The following KCNG4 variants were observed in gnomAD, a reference collection of about 807,000 sequenced individuals.
The protein encoded by KCNG4 is potassium voltage-gated channel modifier subfamily G member 4.
KCNG4 carries 30 observed loss-of-function variants against 28.2 expected under a neutral mutation model. The observed-to-expected ratio is 1.06, with a 90% CI of 0.80 to 1.44. The LOEUF (loss-of-function observed/expected upper bound fraction) is 1.44, where lower values mean the gene tolerates loss of function less well. Ranked by LOEUF, KCNG4 falls within the 40% of genes most tolerant of loss-of-function variation. The probability of loss-of-function intolerance (pLI) is 0.00; values close to 1 mark genes in which losing one functional copy is unlikely to be tolerated. For synonymous variants in KCNG4, 375 were observed against 315.5 expected (o/e 1.19, Z -2.00); for missense variants, 879 against 712.3 (o/e 1.23, Z -2.66).
chr16:84,232,754 C>T (rs1904855924), intron 2 of KCNG4, among the ~76,000 whole-genome samples: 1 of 151,938 alleles, frequency 6.6e-6, no homozygotes, highest in Admixed American at 6.6e-5. Flanking sequence ...CAAAAATTAG[C>T]CAGGCGTGAT....
chr16:84,237,077 C>T lies in KCNG4; in HGVS notation c.409G>A (p.Glu137Lys). 6.2e-7 allele frequency: 1 copy of T among 1,614,114 alleles called. No homozygotes were observed. The highest frequency in any genetic ancestry group is 8.5e-7 in the Non-Finnish European group (1 of 1,180,016). The change falls in exon 2 of 3, where the codon GAG becomes AAG. Residue 137 changes from glutamate to lysine, a missense_variant. Transcript: ENST00000308251. The stretch of plus-strand genomic sequence containing the variant: ...TCCTGGAAGGACAGCGCGCACATCT[C>T]CTGCAGAAGCACCAGCTTCCCGGCC... ...LAAGKLVLLQ[E>K]MCALSFQEEL... is the part of the protein sequence containing the mutation.
At chr16:84,227,044 T>G (rs1003910570) in intron 2 of KCNG4, among the ~76,000 whole-genome samples, 7 of 151,396 alleles carry the variant, frequency 4.6e-5, no homozygotes, top group Non-Finnish European at 7.4e-5. Context: ...AAAAGCACAA[T>G]AAGACACAAA....
Position 84,222,105 on chromosome 16 carries a change from G to T in KCNG4, c.*112C>A. The T allele has an allele frequency of 1.7e-6, 2 of 1,174,738 alleles. No homozygotes were observed. The highest frequency in any genetic ancestry group is 2.5e-6 in the Non-Finnish European group (2 of 815,218). 72.8% of individuals were successfully genotyped at this position (1,174,738 alleles called of 1,614,324 possible). A position where few individuals can be genotyped will look rare whatever the true frequency, so the allele number is the denominator to read the frequency against. ...GCCTTATGCCCCTCCAGCTTTGAAA[G>T]TCTTCCCTGGGCTCTAGAAACACCA... On this transcript the variant is annotated 3_prime_UTR_variant, in exon 3 of 3. Transcript: ENST00000308251.
chr16:84,227,887 G>C (rs1216518841), intron 2 of KCNG4, among the ~76,000 whole-genome samples: 1 of 152,228 alleles, frequency 6.6e-6, no homozygotes, highest in East Asian at 1.9e-4. Context: ...CACAGAGACA[G>C]AAAGCAGAGG....
chr16:84,222,027 C>A lies in KCNG4; in HGVS notation c.*190G>T. On this transcript the variant is annotated 3_prime_UTR_variant, in exon 3 of 3. Coordinates refer to ENST00000308251, the MANE Select transcript of KCNG4 (RefSeq NM_172347.3). Reference sequence around the variant, plus strand: ...AGGCAAGCAGGCTGGACACAGTCAGCCTGGGACATCGGGGCCCCGAGGGAC... The same window carrying A: ...AGGCAAGCAGGCTGGACACAGTCAGACTGGGACATCGGGGCCCCGAGGGAC... 1.6e-6 allele frequency: 1 copy of A among 628,554 alleles called. No individual in the cohort carries two copies. Among genetic ancestry groups the A allele is most frequent in the East Asian group, 2.7e-5 (1 of 37,098 alleles). The allele number at this position is 628,554 out of a possible 1,614,324, so 38.9% of individuals were successfully genotyped here. A position where few individuals can be genotyped will look rare whatever the true frequency, so the allele number is the denominator to read the frequency against.
chr16:84,224,596 G>C (rs951735081), intron 2 of KCNG4, among the ~76,000 whole-genome samples: 2 of 152,210 alleles, frequency 1.3e-5, no homozygotes, highest in African/African-American at 4.8e-5. Flanking sequence ...AAATTGAAAT[G>C]TTCTTTATGC....
At chr16:84,232,768 G>A (rs1904856299) in intron 2 of KCNG4, among the ~76,000 whole-genome samples, 1 of 151,886 alleles carries the variant, frequency 6.6e-6, no homozygotes, top group African/African-American at 2.4e-5. Context: ...GCGTGATGAT[G>A]CCTGCCTGTG....
In KCNG4 at chr16:84,221,416, G is replaced by A. The variant is rs941970136; in HGVS notation, c.*801C>T. Reference sequence around the variant, plus strand: ...CAAGGCTAAGGACTGGATAACTGGAGAACACCACACCAAGAGTCCAGGCGG... The same window carrying A: ...CAAGGCTAAGGACTGGATAACTGGAAAACACCACACCAAGAGTCCAGGCGG... On this transcript the variant is annotated 3_prime_UTR_variant, in exon 3 of 3. Transcript: ENST00000308251. The A allele has an allele frequency of 3.3e-5, 5 of 152,282 alleles. No individual in the cohort carries two copies. Among genetic ancestry groups the A allele is most frequent in the South Asian group, 2.1e-4 (1 of 4,836 alleles). The allele number at this position is 152,282 out of a possible 1,614,324, so 9.4% of individuals were successfully genotyped here.
At chr16:84,228,809 G>A (rs1045454492) in intron 2 of KCNG4, among the ~76,000 whole-genome samples, 25 of 152,388 alleles carry the variant, frequency 1.6e-4, no homozygotes, top group Middle Eastern at 3.4e-3. Flanking sequence ...GCACCCGGGA[G>A]ACCCGCTGAG....
rs1042716394 is a variant in KCNG4 at position 84,221,192 on chromosome 16, C to G, written c.*1025G>C. The G allele has an allele frequency of 6.6e-6, 1 of 152,278 alleles. No individual in the cohort carries two copies. Among genetic ancestry groups the G allele is most frequent in the Admixed American group, 6.5e-5 (1 of 15,282 alleles). 9.4% of individuals were successfully genotyped at this position (152,278 alleles called of 1,614,324 possible). A position where few individuals can be genotyped will look rare whatever the true frequency, so the allele number is the denominator to read the frequency against. Reference sequence around the variant, plus strand: ...AATGTGAGCTAAGAATGTCTATCCTCCAGCATGGAGATGACTAGTCTGGGA... The same window carrying G: ...AATGTGAGCTAAGAATGTCTATCCTGCAGCATGGAGATGACTAGTCTGGGA... On this transcript the variant is annotated 3_prime_UTR_variant, in exon 3 of 3. Transcript: ENST00000308251.
chr16:84,222,233 G>A lies in KCNG4; in HGVS notation c.1544C>T (p.Pro515Leu). The stretch of plus-strand genomic sequence containing the variant: ...GGTGCTGAGTTACATGTGCATGATA[G>A]GCAAGGCTGGGCCCTCCAGGATTAG... ...NDLILEGPAL[P>L]IMHM is the part of the protein sequence containing the mutation. Residue 515 changes from proline to leucine, a missense_variant, in exon 3 of 3, where the codon CCT becomes CTT. Pro to Leu is a moderately conservative substitution (Grantham distance 98). Transcript: ENST00000308251. The A allele has an allele frequency of 6.2e-7, 1 of 1,614,116 alleles. No individual in the cohort carries two copies. Among genetic ancestry groups the A allele is most frequent in the Non-Finnish European group, 8.5e-7 (1 of 1,180,016 alleles).
At chr16:84,232,949 G>A (rs1904861466) in intron 2 of KCNG4, among the ~76,000 whole-genome samples, 1 of 150,372 alleles carries the variant, frequency 6.7e-6, no homozygotes, top group Non-Finnish European at 1.5e-5. Context: ...TAAGCTCCAA[G>A]GAAATCAGAA....
At chr16:84,229,695 G>C (rs1904781412) in intron 2 of KCNG4, among the ~76,000 whole-genome samples, 1 of 152,326 alleles carries the variant, frequency 6.6e-6, no homozygotes, top group African/African-American at 2.4e-5. Flanking sequence ...CATTTGCGGG[G>C]GGCTGGAGTT....
At chr16:84,235,807 G>C (rs948968946) in intron 2 of KCNG4, 1 of 152,170 alleles carries the variant, frequency 6.6e-6, no homozygotes, top group Non-Finnish European at 1.5e-5. Flanking sequence ...TAAGATGATG[G>C]GCAGCCCTGG....
chr16:84,230,202 C>T (rs113083819), intron 2 of KCNG4, among the ~76,000 whole-genome samples: 12 of 152,152 alleles, frequency 7.9e-5, no homozygotes, highest in African/African-American at 2.9e-4. Flanking sequence ...GTCAGGAGTT[C>T]GAAACCAGCC....
In KCNG4 at chr16:84,222,877, G is replaced by T. The variant is rs1223649765; in HGVS notation, c.900C>A (p.Ile300=). Residue 300 remains isoleucine, a synonymous_variant, in exon 3 of 3, where the codon ATC becomes ATA. Coordinates refer to ENST00000308251, the MANE Select transcript of KCNG4 (RefSeq NM_172347.3). ...FFQGPLNIID[I]LAISPYYVSL... Reference sequence around the variant, plus strand: ...ACACGTAGTATGGGGAGATGGCCAGGATGTCGATGATGTTCAGGGGCCCCT... The same window carrying T: ...ACACGTAGTATGGGGAGATGGCCAGTATGTCGATGATGTTCAGGGGCCCCT... 4.3e-6 allele frequency: 7 copies of T among 1,612,220 alleles called. No homozygotes were observed. Among genetic ancestry groups the T allele is most frequent in the Non-Finnish European group, 5.9e-6 (7 of 1,178,738 alleles).
Position 84,237,502 on chromosome 16 carries a change from G to A in KCNG4, c.-17C>T, listed in dbSNP as rs752309282. On this transcript the variant is annotated 5_prime_UTR_variant, in exon 2 of 3. Transcript: ENST00000308251. ...CATGGGCATTGCTGAAGACCACCAG[G>A]TAGGAAGCGCTGGGTTTACCAGTCT... is the stretch of plus-strand genomic sequence containing the variant. The A allele has an allele frequency of 6.8e-7, 1 of 1,478,128 alleles. No individual in the cohort carries two copies. Among genetic ancestry groups the A allele is most frequent in the South Asian group, 1.5e-5 (1 of 65,284 alleles). 91.6% of individuals were successfully genotyped at this position (1,478,128 alleles called of 1,614,324 possible).
intron 2 of KCNG4, among the ~76,000 whole-genome samples, chr16:84,225,174 A>C (rs1254341452): frequency 6.6e-6 from 1 of 151,520 alleles, no homozygotes; most frequent in Non-Finnish European, 1.5e-5. Flanking sequence ...CTGTTGCTGG[A>C]TATTACAGGA....
chr16:84,238,916 A>G (rs760365695), intron 1 of KCNG4, among the ~76,000 whole-genome samples: 3 of 152,152 alleles, frequency 2.0e-5, no homozygotes, highest in Non-Finnish European at 4.4e-5. Flanking sequence ...TGCTGTCTCC[A>G]TTTCAGACCT....
Sources: allele counts gnomAD v4.1 joint callset (sites outside exome capture counted in the v4.1 genomes callset), GRCh38; gene constraint gnomAD v4.1.1; transcripts MANE v1.5; gene names NCBI Gene and HGNC (gene_info 2026-07-23, HGNC 2026-07-21).